The following FMN1 variants were observed in gnomAD, a reference collection of about 807,000 sequenced individuals.
FMN1 encodes formin 1.
A neutral mutation model predicts 132.4 loss-of-function variants in FMN1; 110 were observed. The ratio of observed to expected loss-of-function variants is 0.83; its 90% confidence interval spans 0.71 to 0.97. The LOEUF is 0.97. Ranked by LOEUF, FMN1 falls within the 50% of genes least tolerant of loss-of-function variation. The probability of loss-of-function intolerance (pLI) is 0.00; values close to 1 mark genes in which losing one functional copy is unlikely to be tolerated. For synonymous variants in FMN1, 722 were observed against 651.7 expected, an observed-to-expected ratio of 1.11 and a Z score of -1.64; for missense variants, 1,792 against 1,705.3, an observed-to-expected ratio of 1.05 and a Z score of -0.90.
intron 15 of FMN1, among the ~76,000 whole-genome samples, chr15:32,891,294 C>T (rs1379389889): frequency 6.6e-6 from 1 of 152,194 alleles, no homozygotes; most frequent in Non-Finnish European, 1.5e-5. Flanking sequence ...GTCGCCCAGG[C>T]TGGAGTGCAG....
intron 10 of FMN1, among the ~76,000 whole-genome samples, chr15:32,913,448 G>A (rs28544912): frequency 0.025 from 3,802 of 152,006 alleles, 67 homozygotes; most frequent in Non-Finnish European, 0.034. Flanking sequence ...TCCCTGCCTC[G>A]CCTCAATTAC....
intron 5 of FMN1, among the ~76,000 whole-genome samples, chr15:33,073,986 C>G (rs1285014371): frequency 6.6e-6 from 1 of 152,150 alleles, no homozygotes; most frequent in Non-Finnish European, 1.5e-5. Context: ...CCACCTCGGC[C>G]CCCCAGTGTA....
Position 33,086,272 on chromosome 15 carries a change from A to T in FMN1, c.2043+2527T>A, listed in dbSNP as rs565388372. On this transcript the variant is annotated intron_variant, in intron 5 of 20. Transcript: ENST00000616417. ...TCTCAAATTAAAAAAAAAAAAAAAA[A>T]GCAAAAACAAGACGAGGTTATAAAA... Among the ~76,000 whole-genome samples, 45 of 150,492 alleles carry T rather than the reference A, an allele frequency of 3.0e-4. No homozygotes were observed. The South Asian group carries it at 4.6e-3, about 15-fold the overall frequency.
intron 10 of FMN1, among the ~76,000 whole-genome samples, chr15:32,924,445 T>C (rs11631608): frequency 0.26 from 39,146 of 152,204 alleles, 5,393 homozygotes; most frequent in Non-Finnish European, 0.31. Flanking sequence ...AAGTGTCTTG[T>C]AGGTCAGGAC....
intron 17 of FMN1, among the ~76,000 whole-genome samples, chr15:32,828,979 A>G (rs1011600700): frequency 6.6e-6 from 1 of 152,214 alleles, no homozygotes; most frequent in African/African-American, 2.4e-5. Context: ...TATATTTGCT[A>G]CACATCGAAT....
chr15:32,958,619 T>C (rs1369588835), intron 9 of FMN1, among the ~76,000 whole-genome samples: 2 of 152,168 alleles, frequency 1.3e-5, no homozygotes, highest in African/African-American at 4.8e-5. Flanking sequence ...TGATATGAAA[T>C]TTAAATACTA....
chr15:33,151,805 A>G (rs1964450957), intron 4 of FMN1, among the ~76,000 whole-genome samples: 2 of 152,208 alleles, frequency 1.3e-5, no homozygotes, highest in Non-Finnish European at 2.9e-5. Context: ...ATGATATAAA[A>G]TCTACGATTC....
chr15:32,968,902 G>A lies in FMN1; in HGVS notation c.2799C>T (p.Ser933=), dbSNP rs765680279. 42 of 716,660 alleles carry A rather than the reference G, an allele frequency of 5.9e-5. No individual in the cohort carries two copies. Among genetic ancestry groups the A allele is most frequent in the Non-Finnish European group, 8.8e-5 (39 of 441,098 alleles). The allele number at this position is 716,660 out of a possible 1,614,324, so 44.4% of individuals were successfully genotyped here. Reference sequence around the variant, plus strand: ...GCCCTCCAGGGTTGGGTGGGGCAGGGGAGTTAGGAAGTGGGGGTGGGGGTG... The same window carrying A: ...GCCCTCCAGGGTTGGGTGGGGCAGGAGAGTTAGGAAGTGGGGGTGGGGGTG... ...PPPPPPPLPN[S]PAPPNPGGPP... is the part of the protein sequence containing the mutation. The change falls in exon 8 of 21, where the codon TCC becomes TCT. Residue 933 remains serine (S), a synonymous_variant. Coordinates refer to ENST00000616417, the MANE Select transcript of FMN1 (RefSeq NM_001277313.2).
rs149102797 is a variant in FMN1 at position 33,019,003 on chromosome 15, G to C, written c.2162-10928C>G. Among the ~76,000 whole-genome samples, 7 of 152,320 alleles carry C rather than the reference G, an allele frequency of 4.6e-5. No homozygotes were observed. In the East Asian group the frequency reaches 1.3e-3, roughly 29 times the overall value. The stretch of plus-strand genomic sequence containing the variant: ...GAGCAGCAGCAAGATTTATTGCAGA[G>C]TTAAAGAACAAAGCTTCCACCATGC... On this transcript the variant is annotated intron_variant, in intron 6 of 20. Coordinates refer to ENST00000616417, the MANE Select transcript of FMN1 (RefSeq NM_001277313.2).
chr15:33,105,903 T>C (rs145265174), intron 4 of FMN1: 3 of 152,188 alleles, frequency 2.0e-5, no homozygotes, highest in African/African-American at 7.2e-5. Context: ...CTGTCTCCTA[T>C]TAGTGAGAAA....
intron 15 of FMN1, among the ~76,000 whole-genome samples, chr15:32,897,506 C>G (rs2060188611): frequency 6.6e-6 from 1 of 152,088 alleles, no homozygotes; most frequent in Non-Finnish European, 1.5e-5. Flanking sequence ...GGGAGAACAT[C>G]AGAAGTAAAA....
intron 19 of FMN1, among the ~76,000 whole-genome samples, chr15:32,781,158 T>C (rs1326019870): frequency 6.6e-6 from 1 of 152,200 alleles, no homozygotes; most frequent in Admixed American, 6.5e-5. Context: ...ATCTTTTATA[T>C]TTTTATTTTT....
intron 6 of FMN1, among the ~76,000 whole-genome samples, chr15:33,031,681 G>C (rs1262776721): frequency 6.6e-6 from 1 of 152,218 alleles, no homozygotes; most frequent in Non-Finnish European, 1.5e-5. Flanking sequence ...GCCATCAGGT[G>C]ATACAGCCTC....
intron 11 of FMN1, among the ~76,000 whole-genome samples, chr15:32,909,481 T>A (rs889343721): frequency 3.9e-5 from 6 of 152,190 alleles, no homozygotes; most frequent in Non-Finnish European, 7.3e-5. Context: ...TATAAAGATG[T>A]GAAAATGAGC....
chr15:33,123,877 G>A (rs1429827214), intron 4 of FMN1, among the ~76,000 whole-genome samples: 1 of 152,186 alleles, frequency 6.6e-6, no homozygotes, highest in Non-Finnish European at 1.5e-5. Flanking sequence ...TACAGGCATG[G>A]AGCTCAAATG....
intron 16 of FMN1, among the ~76,000 whole-genome samples, chr15:32,875,700 C>T (rs1346897418): frequency 6.6e-6 from 1 of 152,226 alleles, no homozygotes; most frequent in Non-Finnish European, 1.5e-5. Context: ...TCTAACTTCA[C>T]TCATTTGGTT....
chr15:33,109,116 G>T (rs1328304578), intron 4 of FMN1, among the ~76,000 whole-genome samples: 1 of 152,028 alleles, frequency 6.6e-6, no homozygotes, highest in Non-Finnish European at 1.5e-5. Flanking sequence ...AACATACTTG[G>T]TCTAGAGTGT....
At chr15:32,782,514 G>A in intron 19 of FMN1, among the ~76,000 whole-genome samples, 1 of 152,208 alleles carries the variant, frequency 6.6e-6, no homozygotes, top group Non-Finnish European at 1.5e-5. Flanking sequence ...GTCATCTTAT[G>A]TATAGATTCC....
intron 7 of FMN1, among the ~76,000 whole-genome samples, chr15:32,975,361 A>G (rs1301261320): frequency 1.3e-5 from 2 of 152,116 alleles, no homozygotes; most frequent in Admixed American, 1.3e-4. Flanking sequence ...ATGCTTATTG[A>G]TTTCTTTAGT....
Sources: allele counts gnomAD v4.1 joint callset (sites outside exome capture counted in the v4.1 genomes callset), GRCh38; gene constraint gnomAD v4.1.1; transcripts MANE v1.5; gene names NCBI Gene and HGNC (gene_info 2026-07-23, HGNC 2026-07-21).